The following DISC1 variants were observed in gnomAD, a reference collection of about 807,000 sequenced individuals.
DISC1 encodes the protein DISC1 scaffold protein.
DISC1 carries 57 observed loss-of-function variants against 84.5 expected under a neutral mutation model. That is an observed-to-expected ratio of 0.67 (90% CI 0.55 to 0.84). The LOEUF is 0.84. DISC1 is among the 40% of genes least tolerant of loss of function. The pLI is 0.00. For synonymous variants in DISC1, 411 were observed against 415.2 expected (o/e 0.99, Z 0.12); for missense variants, 1,000 against 1,057.8 (o/e 0.95, Z 0.76).
chr1:232,021,126 C>T (rs1668914305), intron 11 of DISC1, among the ~76,000 whole-genome samples: 1 of 152,104 alleles, frequency 6.6e-6, no homozygotes, highest in Non-Finnish European at 1.5e-5. Context: ...TGTGAGGGTC[C>T]GGGAGACAGG....
At chr1:231,646,328 T>C (rs572222142) in intron 1 of DISC1, among the ~76,000 whole-genome samples, 5 of 152,222 alleles carry the variant, frequency 3.3e-5, no homozygotes, top group African/African-American at 9.6e-5. Flanking sequence ...ACAAAGGACA[T>C]GAACTCATCC....
intron 10 of DISC1, among the ~76,000 whole-genome samples, chr1:232,002,356 A>C (rs538638018): frequency 2.0e-5 from 3 of 152,328 alleles, no homozygotes; most frequent in African/African-American, 7.2e-5. Flanking sequence ...GATACAACCC[A>C]GCAATTGTGC....
chr1:232,002,638 C>A (rs1229134038), intron 10 of DISC1, among the ~76,000 whole-genome samples: 1 of 124,618 alleles, frequency 8.0e-6, no homozygotes, highest in South Asian at 2.4e-4. Flanking sequence ...CACACACACA[C>A]AAAAGCCAAT....
At chr1:231,682,906 A>G (rs2063828483) in intron 1 of DISC1, among the ~76,000 whole-genome samples, 2 of 152,142 alleles carry the variant, frequency 1.3e-5, no homozygotes, top group African/African-American at 4.8e-5. Flanking sequence ...ATGGTTTTTG[A>G]CCCTTAAACA....
intron 9 of DISC1, among the ~76,000 whole-genome samples, chr1:231,912,035 G>C (rs1380049898): frequency 1.3e-5 from 2 of 152,012 alleles, no homozygotes; most frequent in African/African-American, 4.8e-5. Flanking sequence ...AGTCATTTAA[G>C]GTCTTTTCTA....
intron 3 of DISC1, among the ~76,000 whole-genome samples, chr1:231,748,235 C>G (rs2074226298): frequency 6.6e-6 from 1 of 152,176 alleles, no homozygotes; most frequent in Non-Finnish European, 1.5e-5. Flanking sequence ...ATTTCTCTCT[C>G]TTATCTAATT....
chr1:231,659,331 C>T (rs1221329872), intron 1 of DISC1, among the ~76,000 whole-genome samples: 2 of 152,024 alleles, frequency 1.3e-5, no homozygotes, highest in Admixed American at 6.6e-5. Flanking sequence ...GTGATATCTC[C>T]CTTAACATTT....
At chr1:231,903,225 C>T (rs2088332552) in intron 9 of DISC1, among the ~76,000 whole-genome samples, 2 of 152,060 alleles carry the variant, frequency 1.3e-5, no homozygotes, top group South Asian at 4.2e-4. Context: ...TGATGCCTGG[C>T]CCATTTTTCT....
At chr1:231,759,250 G>A (rs968502007) in intron 4 of DISC1, among the ~76,000 whole-genome samples, 3 of 152,116 alleles carry the variant, frequency 2.0e-5, no homozygotes, top group African/African-American at 4.8e-5. Flanking sequence ...GACTAACACA[G>A]CATTCAGTGT....
chr1:231,728,399 T>C (rs979466868), intron 3 of DISC1, among the ~76,000 whole-genome samples: 115 of 152,334 alleles, frequency 7.5e-4, no homozygotes, highest in African/African-American at 2.7e-3. Context: ...AATCGCCCAC[T>C]GTCTTCAGGG....
At chr1:231,643,266 C>A (rs1216555810) in intron 1 of DISC1, among the ~76,000 whole-genome samples, 1 of 152,164 alleles carries the variant, frequency 6.6e-6, no homozygotes, top group Non-Finnish European at 1.5e-5. Flanking sequence ...CACAGGAAAT[C>A]CCAGCTTCAG....
intron 9 of DISC1, among the ~76,000 whole-genome samples, chr1:231,911,857 G>A (rs1299008588): frequency 6.6e-6 from 1 of 152,096 alleles, no homozygotes; most frequent in Non-Finnish European, 1.5e-5. Context: ...ATATTTCTTG[G>A]AGGTTTGTTT....
At chr1:231,676,882 T>C (rs1445907856) in intron 1 of DISC1, among the ~76,000 whole-genome samples, 1 of 152,206 alleles carries the variant, frequency 6.6e-6, no homozygotes, top group East Asian at 1.9e-4. Context: ...AAATAGGCCT[T>C]TGGATGTTGC....
At chr1:231,914,871 G>A (rs1214869201) in intron 9 of DISC1, among the ~76,000 whole-genome samples, 1 of 152,236 alleles carries the variant, frequency 6.6e-6, no homozygotes, top group Non-Finnish European at 1.5e-5. Context: ...GCAAATGATA[G>A]TCAAGACAGG....
At chr1:231,855,925 C>G (rs1469708162) in intron 9 of DISC1, among the ~76,000 whole-genome samples, 3 of 152,194 alleles carry the variant, frequency 2.0e-5, no homozygotes, top group Admixed American at 1.3e-4. Context: ...AGCTGCTGTA[C>G]TGTTTAAGCT....
Position 232,009,476 on chromosome 1 carries a change from T to A in DISC1, c.2307+427T>A. ...ATGATGTTTATATATTTAGAATCTA[T>A]ATATTACAATATATTATTATTTATT... On this transcript the variant is annotated intron_variant, in intron 11 of 12. Transcript: ENST00000439617. The surrounding 1 kb of genome is among the most constrained non-coding windows in gnomAD (Gnocchi z 4.6). 1.6e-6 allele frequency: 1 copy of A among 612,356 alleles called. No homozygotes were observed. The highest frequency in any genetic ancestry group is 2.0e-6 in the Non-Finnish European group (1 of 491,184). 37.9% of individuals were successfully genotyped at this position (612,356 alleles called of 1,614,324 possible).
intron 1 of DISC1, among the ~76,000 whole-genome samples, chr1:231,638,347 C>T (rs12117017): frequency 4.0e-4 from 61 of 152,210 alleles, no homozygotes; most frequent in Non-Finnish European, 7.9e-4. Flanking sequence ...TACCATTTCC[C>T]TATGCTTTTT....
At chr1:231,795,113 T>A in intron 6 of DISC1, 129 bp from the exon 7 acceptor site, 1 of 864,826 alleles carries the variant, frequency 1.2e-6, no homozygotes, top group Non-Finnish European at 1.9e-6. Flanking sequence ...CAATTTGGCA[T>A]CATCTTTCCT....
intron 9 of DISC1, among the ~76,000 whole-genome samples, chr1:231,868,185 A>T (rs1574332016): frequency 6.6e-6 from 1 of 152,188 alleles, no homozygotes; most frequent in East Asian, 1.9e-4. Flanking sequence ...GCTCGGTAGC[A>T]CCTGCCCCAA....
Sources: allele counts gnomAD v4.1 joint callset (sites outside exome capture counted in the v4.1 genomes callset), GRCh38; gene constraint gnomAD v4.1.1; non-coding constraint Gnocchi (gnomAD v3.1); transcripts MANE v1.5; gene names NCBI Gene and HGNC (gene_info 2026-07-23, HGNC 2026-07-21).